MAGI1: variants seen among roughly 807,000 people sequenced by gnomAD.
MAGI1 encodes the protein membrane associated guanylate kinase, WW and PDZ domain containing 1.
MAGI1 carries 58 observed loss-of-function variants against 139.9 expected under a neutral mutation model. The ratio of observed to expected loss-of-function variants is 0.41; its 90% confidence interval spans 0.34 to 0.52. The LOEUF is 0.52. Ranked by LOEUF, MAGI1 falls within the 20% of genes least tolerant of loss-of-function variation. MAGI1 has a pLI of 0.12. For synonymous variants in MAGI1, 812 were observed against 737.9 expected (o/e 1.10, Z -1.63); for missense variants, 1,874 against 1,901.6 (o/e 0.99, Z 0.27).
chr3:65,493,415 A>G, intron 3 of MAGI1, 97 bp downstream of exon 3: 1 of 1,435,950 alleles, frequency 7.0e-7, no homozygotes. Context: ...ATTTGTTTAG[A>G]CCTCCAGATT....
intron 1 of MAGI1, among the ~76,000 whole-genome samples, chr3:65,999,363 T>C (rs1172753714): frequency 1.3e-5 from 2 of 152,134 alleles, no homozygotes; most frequent in African/African-American, 4.8e-5. Flanking sequence ...AGCAATATGC[T>C]TCCTCATCTA....
At chr3:65,790,803 G>A (rs370432694) in intron 1 of MAGI1, among the ~76,000 whole-genome samples, 9 of 152,150 alleles carry the variant, frequency 5.9e-5, no homozygotes, top group Non-Finnish European at 7.3e-5. Context: ...AGGCTGGCAC[G>A]GTGACTCATG....
At chr3:65,453,075 C>A in intron 6 of MAGI1, 183 bp downstream of exon 6, 1 of 593,328 alleles carries the variant, frequency 1.7e-6, no homozygotes, top group Non-Finnish European at 3.0e-6. Context: ...TAAACAAATT[C>A]TTCTCTTGAA....
intron 1 of MAGI1, among the ~76,000 whole-genome samples, chr3:66,020,037 G>C (rs17074323): frequency 1.8e-3 from 279 of 152,316 alleles, no homozygotes; most frequent in African/African-American, 6.2e-3. Flanking sequence ...AGGGATTGCA[G>C]AACTAAGGCA....
chr3:65,496,235 G>T (rs532383360), intron 2 of MAGI1, among the ~76,000 whole-genome samples: 1 of 151,622 alleles, frequency 6.6e-6, no homozygotes, highest in Non-Finnish European at 1.5e-5. Context: ...CAAATGGGGG[G>T]TCTCACTATA....
chr3:65,610,280 A>C (rs2082981788), intron 2 of MAGI1, among the ~76,000 whole-genome samples: 1 of 152,120 alleles, frequency 6.6e-6, no homozygotes, highest in Non-Finnish European at 1.5e-5. Flanking sequence ...ATTGAACATC[A>C]AACAAAAAAG....
chr3:65,702,261 AC>A (rs2089668080), intron 1 of MAGI1, among the ~76,000 whole-genome samples: 1 of 152,190 alleles, frequency 6.6e-6, no homozygotes, highest in African/African-American at 2.4e-5. Flanking sequence ...ATCTTTAGCC[AC>A]CCTGCTTCTT....
intron 1 of MAGI1, among the ~76,000 whole-genome samples, chr3:65,700,673 CA>C (rs2089534573): frequency 6.6e-6 from 1 of 152,002 alleles, no homozygotes; most frequent in Non-Finnish European, 1.5e-5. Context: ...TTTTGGGTAG[CA>C]GTTCTGATAA....
intron 4 of MAGI1, among the ~76,000 whole-genome samples, chr3:65,474,602 C>T (rs1023435702): frequency 7.3e-6 from 1 of 137,200 alleles, no homozygotes; most frequent in Non-Finnish European, 1.6e-5. Context: ...CAGAAGCTTC[C>T]AAGCTTTTAT....
At chr3:66,012,765 C>CAA (rs34971326) in intron 1 of MAGI1, among the ~76,000 whole-genome samples, 1,916 of 113,882 alleles carry the variant, frequency 0.017, 66 homozygotes, top group East Asian at 0.14. Context: ...GACTCCATCT[C>CAA]AAAAAAAAAA....
At chr3:65,473,639 CAAAAAAAAAAA>C (rs35970775) in intron 4 of MAGI1, among the ~76,000 whole-genome samples, 3 of 87,356 alleles carry the variant, frequency 3.4e-5, no homozygotes, top group East Asian at 6.4e-4. Flanking sequence ...TACATGTTTA[CAAAAAAAAAAA>C]AAAAAAAAAA....
chr3:65,402,351 G>A (rs1003927333), intron 12 of MAGI1, among the ~76,000 whole-genome samples: 2 of 152,166 alleles, frequency 1.3e-5, no homozygotes, highest in Non-Finnish European at 2.9e-5. Context: ...AGGGACAAGT[G>A]ATCTCCTCAA....
intron 3 of MAGI1, among the ~76,000 whole-genome samples, chr3:65,481,148 G>A (rs1951262002): frequency 6.6e-6 from 1 of 152,142 alleles, no homozygotes; most frequent in South Asian, 2.1e-4. Context: ...TGTTTTCATA[G>A]GAAGTAATCT....
chr3:65,462,454 C>G (rs1949869337), intron 5 of MAGI1, among the ~76,000 whole-genome samples: 1 of 152,032 alleles, frequency 6.6e-6, no homozygotes, highest in African/African-American at 2.4e-5. Flanking sequence ...TTTCTGAGGC[C>G]TCTGTTCTGT....
intron 1 of MAGI1, among the ~76,000 whole-genome samples, chr3:66,025,676 ATGTTTGTGTTTC>A (rs2068217238): frequency 1.3e-5 from 2 of 152,084 alleles, no homozygotes. Flanking sequence ...TCAAAAGTAT[ATGTTTGTGTTTC>A]TGTTTGTGTA....
chr3:65,597,935 G>GGGGGT, intron 2 of MAGI1: 3 of 395,924 alleles, frequency 7.6e-6, no homozygotes, highest in Non-Finnish European at 1.5e-5. Context: ...TGGGGGGGGG[G>GGGGGT]TGGGACCGAA....
chr3:65,950,884 T>C (rs2063804962), intron 1 of MAGI1, among the ~76,000 whole-genome samples: 1 of 151,798 alleles, frequency 6.6e-6, no homozygotes, highest in Admixed American at 6.6e-5. Context: ...TTGGCTTCCC[T>C]GGGCCACATT....
At chr3:65,490,928 G>A (rs1299389024) in intron 3 of MAGI1, among the ~76,000 whole-genome samples, 1 of 151,526 alleles carries the variant, frequency 6.6e-6, no homozygotes, top group Non-Finnish European at 1.5e-5. Flanking sequence ...GCCAAAGGCT[G>A]AAGAACGCTG....
chr3:65,357,126 C>T lies in MAGI1; in HGVS notation c.3641G>A (p.Ser1214Asn), dbSNP rs748064535. The change falls in exon 23 of 23, where the codon AGC (serine) becomes AAC (asparagine). Residue 1214 changes from serine to asparagine, a missense_variant. This residue lies in a region of MAGI1 where 653 missense variants were observed against 644.5 expected (regional missense o/e 1.01). Transcript: ENST00000402939. ...GDGSVPEYDP[S>N]SDRHGPATGP... Reference sequence around the variant, plus strand: ...GGTGGCGGGGCCGTGGCGGTCGCTGCTGGGGTCTGCCAGGAAAATAAACGA... The same window carrying T: ...GGTGGCGGGGCCGTGGCGGTCGCTGTTGGGGTCTGCCAGGAAAATAAACGA... 5.0e-6 allele frequency: 8 copies of T among 1,607,180 alleles called. No individual in the cohort carries two copies. In the East Asian group the frequency reaches 1.6e-4, roughly 31 times the overall value.
Sources: gnomAD v4.1 joint callset for allele counts (sites outside exome capture counted in the v4.1 genomes callset) on GRCh38, gnomAD v4.1.1 for gene constraint, gnomAD v4.1.1 regional missense constraint, MANE v1.5 for transcripts, NCBI Gene and HGNC (gene_info 2026-07-23, HGNC 2026-07-21) for gene names.